NCOA1: variants seen among roughly 807,000 people sequenced by gnomAD.
The protein encoded by NCOA1 is Hin-2 protein.
In NCOA1, 35 loss-of-function variants were observed where a neutral mutation model predicts 150.9. The observed-to-expected ratio is 0.23, with a 90% CI of 0.18 to 0.31. The LOEUF is 0.31. Ranked by LOEUF, NCOA1 falls within the 10% of genes least tolerant of loss-of-function variation. The pLI, the probability that NCOA1 is intolerant of heterozygous loss-of-function variation, is 1.00. For missense variants in NCOA1, 1,491 were observed against 1,749.3 expected, an observed-to-expected ratio of 0.85 and a Z score of 2.63; for synonymous variants, 590 against 630.0, an observed-to-expected ratio of 0.94 and a Z score of 0.95.
intron 1 of NCOA1, among the ~76,000 whole-genome samples, chr2:24,500,471 T>G (rs539294521): frequency 3.7e-4 from 57 of 152,348 alleles, no homozygotes; most frequent in African/African-American, 1.4e-3. Context: ...GTGAAGATGT[T>G]TCTTCTCTTT....
intron 1 of NCOA1, among the ~76,000 whole-genome samples, chr2:24,527,468 G>A (rs1255556108): frequency 6.6e-6 from 1 of 152,132 alleles, no homozygotes; most frequent in Non-Finnish European, 1.5e-5. Flanking sequence ...GTTCATCCGT[G>A]TTGTGGCAAA....
chr2:24,729,643 G>T lies in NCOA1; in HGVS notation c.3029G>T (p.Gly1010Val), dbSNP rs753615385. 2 of 1,614,018 alleles carry T rather than the reference G, an allele frequency of 1.2e-6. No individual in the cohort carries two copies. The highest frequency in any genetic ancestry group is 1.7e-6 in the Non-Finnish European group (2 of 1,180,022). The change falls in exon 17 of 23, where the codon GGC becomes GTC. Residue 1010 changes from glycine (G) to valine (V), a missense_variant. Physicochemically the swap from Gly to Val is moderately radical, Grantham distance 109 (BLOSUM62 -3). Coordinates refer to ENST00000348332, the MANE Select transcript of NCOA1 (RefSeq NM_003743.5). ...PTANLPSPFQ[G>V]MVRQKPSLGT... ...GCCAATCTCCCTAGCCCTTTCCAAG[G>T]CATGGTCAGGCAAAAACCTTCACTG...
Position 24,742,145 on chromosome 2 carries a change from A to G in NCOA1, c.3665A>G (p.Asn1222Ser), listed in dbSNP as rs1182467143. The G allele has an allele frequency of 3.1e-6, 5 of 1,613,804 alleles. No homozygotes were observed. The highest frequency in any genetic ancestry group is 1.7e-5 in the Admixed American group (1 of 59,996). ...NIGGQFGTGI[N>S]PQMQQNVFQY... ...GGAGGACAGTTTGGCACTGGAATCAATCCTCAGATGCAGCAGAATGTCTTC... is the reference window on the plus strand; with the variant it reads ...GGAGGACAGTTTGGCACTGGAATCAGTCCTCAGATGCAGCAGAATGTCTTC... The change falls in exon 19 of 23, where the codon AAT (asparagine) becomes AGT (serine). Residue 1222 changes from asparagine (N) to serine (S), a missense_variant. By Grantham distance (46) the Asn-to-Ser change is conservative. This residue lies in a region of NCOA1 where 485 missense variants were observed against 522.8 expected (regional missense o/e 0.93). Coordinates refer to ENST00000348332, the MANE Select transcript of NCOA1 (RefSeq NM_003743.5).
Position 24,661,368 on chromosome 2 carries a change from T to C in NCOA1, c.89+2602T>C, listed in dbSNP as rs75754741. 6.1e-4 allele frequency among the ~76,000 whole-genome samples: 93 copies of C among 152,332 alleles called. No individual in the cohort carries two copies. The East Asian group carries it at 0.016, about 26-fold the overall frequency. ...TGTTCCTGCTGGGTTGTTTGTTCTT[T>C]TATTTTTTGTTTCTAAGACTTACTT... On this transcript the variant is annotated intron_variant, in intron 5 of 22. Transcript: ENST00000348332.
chr2:24,677,365 C>A (rs981325185), intron 7 of NCOA1, among the ~76,000 whole-genome samples: 12 of 151,460 alleles, frequency 7.9e-5, no homozygotes, highest in African/African-American at 2.7e-4. Context: ...AACAAACAAA[C>A]AAAAAAAACA....
intron 8 of NCOA1, among the ~76,000 whole-genome samples, chr2:24,684,780 T>A (rs1558902642): frequency 6.6e-6 from 1 of 152,148 alleles, no homozygotes. Flanking sequence ...GATCACCTAA[T>A]CTTACAGTGT....
At chr2:24,496,464 A>G (rs1036489658) in intron 1 of NCOA1, among the ~76,000 whole-genome samples, 9 of 152,148 alleles carry the variant, frequency 5.9e-5, no homozygotes, top group African/African-American at 2.2e-4. Context: ...GATTTCCTTT[A>G]TGTTCTCGTG....
chr2:24,763,616 CTTTTTTT>C (rs1179539444), intron 22 of NCOA1, among the ~76,000 whole-genome samples: 1 of 85,314 alleles, frequency 1.2e-5, no homozygotes, highest in African/African-American at 4.5e-5. Flanking sequence ...GTCTCTCTCT[CTTTTTTT>C]TTTTTTTTTT....
intron 5 of NCOA1, 118 bp from the exon 6 acceptor site, chr2:24,665,631 G>T: frequency 2.4e-6 from 2 of 843,708 alleles, no homozygotes; most frequent in South Asian, 9.7e-5. Flanking sequence ...TTCTAAATCT[G>T]GTTTTATATT....
chr2:24,746,813 A>T, intron 19 of NCOA1, among the ~76,000 whole-genome samples: 1 of 152,222 alleles, frequency 6.6e-6, no homozygotes, highest in East Asian at 1.9e-4. Context: ...GTCCAAATCC[A>T]TAGATTGTAC....
intron 14 of NCOA1, among the ~76,000 whole-genome samples, chr2:24,714,956 TAAAC>T (rs1302086404): frequency 6.6e-6 from 1 of 151,958 alleles, no homozygotes; most frequent in Admixed American, 6.6e-5. Context: ...TTATGTCAGA[TAAAC>T]AAGAAAAAAC....
chr2:24,599,801 G>A (rs1668035089), intron 3 of NCOA1, among the ~76,000 whole-genome samples: 1 of 148,556 alleles, frequency 6.7e-6, no homozygotes, highest in African/African-American at 2.5e-5. Context: ...CATGACCTTG[G>A]CTCACTGCAA....
At chr2:24,526,266 T>G (rs1297574956) in intron 1 of NCOA1, among the ~76,000 whole-genome samples, 2 of 152,158 alleles carry the variant, frequency 1.3e-5, no homozygotes, top group African/African-American at 4.8e-5. Flanking sequence ...GCAGTTAGTT[T>G]TTTTTTTAAT....
intron 21 of NCOA1, among the ~76,000 whole-genome samples, chr2:24,762,249 T>G (rs1664826884): frequency 6.6e-6 from 1 of 152,210 alleles, no homozygotes; most frequent in African/African-American, 2.4e-5. Flanking sequence ...TTTCACATAT[T>G]TTGTCAATTT....
intron 13 of NCOA1, 51 bp downstream of exon 13, chr2:24,707,939 TC>T (rs1263469767): frequency 1.3e-6 from 2 of 1,526,130 alleles, no homozygotes; most frequent in African/African-American, 1.4e-5. Context: ...ATTTTTTTTT[TC>T]ATTTATTCTA....
At chr2:24,699,180 C>T (rs756605868) in intron 11 of NCOA1, among the ~76,000 whole-genome samples, 6 of 152,212 alleles carry the variant, frequency 3.9e-5, no homozygotes, top group East Asian at 1.9e-4. Context: ...ACTCAGAGCA[C>T]TGTTTCGACT....
intron 3 of NCOA1, among the ~76,000 whole-genome samples, chr2:24,634,979 A>T (rs1027659017): frequency 1.3e-5 from 2 of 151,962 alleles, no homozygotes; most frequent in Admixed American, 6.6e-5. Flanking sequence ...GGCCTCCCAA[A>T]GTGTTGGGAT....
At chr2:24,620,062 C>A (rs1669056203) in intron 3 of NCOA1, among the ~76,000 whole-genome samples, 1 of 152,140 alleles carries the variant, frequency 6.6e-6, no homozygotes, top group African/African-American at 2.4e-5. Flanking sequence ...CTCATACTTA[C>A]TGTACAGAAT....
At chr2:24,699,042 T>C (rs1673033058) in intron 11 of NCOA1, among the ~76,000 whole-genome samples, 1 of 152,198 alleles carries the variant, frequency 6.6e-6, no homozygotes. Context: ...TTTAAAAGTT[T>C]CCCAGGCAAT....
Sources: allele counts gnomAD v4.1 joint callset (sites outside exome capture counted in the v4.1 genomes callset), GRCh38; gene constraint gnomAD v4.1.1; regional missense constraint gnomAD v4.1.1; transcripts MANE v1.5; gene names NCBI Gene and HGNC (gene_info 2026-07-23, HGNC 2026-07-21).